Variants in SLC1A1 observed in about 807,000 individuals in gnomAD.
SLC1A1 encodes the protein excitatory amino acid transporter 3.
Under a neutral mutation model 53.3 loss-of-function variants are expected in SLC1A1, and 43 were observed. The ratio of observed to expected loss-of-function variants is 0.81; its 90% CI spans 0.63 to 1.04. The LOEUF (loss-of-function observed/expected upper bound fraction) is 1.04. Ranked by LOEUF, SLC1A1 falls within the 50% of genes least tolerant of loss-of-function variation. The pLI, the probability that SLC1A1 is intolerant of heterozygous loss-of-function variation, is 0.00. For synonymous variants in SLC1A1, 307 were observed against 243.2 expected (o/e 1.26, Z -2.44); for missense variants, 748 against 664.9 (o/e 1.12, Z -1.37).
At chr9:4,522,243 G>T (rs1489942200) in intron 1 of SLC1A1, among the ~76,000 whole-genome samples, 1 of 151,676 alleles carries the variant, frequency 6.6e-6, no homozygotes, top group Non-Finnish European at 1.5e-5. Flanking sequence ...TGTAGAGATG[G>T]GGTTTCACTG....
At position 4,578,300 on chromosome 9, in the gene SLC1A1, T is replaced by C. The variant is rs889558803; in HGVS notation, c.1193+1537T>C. Reference sequence around the variant, plus strand: ...GACTTGAATTTTTAAACTTCTGTTTTCTCATCTGTAAAATGAATAATAGTA... The same window carrying C: ...GACTTGAATTTTTAAACTTCTGTTTCCTCATCTGTAAAATGAATAATAGTA... On this transcript the variant is annotated intron_variant, in intron 10 of 11. Transcript: ENST00000262352. 3.9e-5 allele frequency among the ~76,000 whole-genome samples: 6 copies of C among 152,232 alleles called. No homozygotes were observed. The South Asian group carries it at 1.0e-3, about 26-fold the overall frequency.
chr9:4,553,008 A>G (rs1818060686), intron 2 of SLC1A1, among the ~76,000 whole-genome samples: 1 of 152,124 alleles, frequency 6.6e-6, no homozygotes, highest in Non-Finnish European at 1.5e-5. Context: ...GTTCACCAGC[A>G]TGTAAGAAGC....
At chr9:4,531,363 T>C (rs1275067993) in intron 1 of SLC1A1, among the ~76,000 whole-genome samples, 1 of 152,158 alleles carries the variant, frequency 6.6e-6, no homozygotes, top group African/African-American at 2.4e-5. Context: ...CACCCTAATA[T>C]TGCACTTTTC....
chr9:4,539,641 G>A (rs954751785), intron 1 of SLC1A1, among the ~76,000 whole-genome samples: 13 of 151,830 alleles, frequency 8.6e-5, no homozygotes, highest in African/African-American at 2.9e-4. Flanking sequence ...GCATGATCTC[G>A]GCTCACTGCA....
intron 10 of SLC1A1, among the ~76,000 whole-genome samples, chr9:4,580,843 C>G (rs1434483922): frequency 6.6e-6 from 1 of 152,102 alleles, no homozygotes; most frequent in Non-Finnish European, 1.5e-5. Context: ...TTAGCAGCAA[C>G]TGCTGTTGTT....
chr9:4,539,512 C>T (rs1313352923), intron 1 of SLC1A1, among the ~76,000 whole-genome samples: 2 of 152,006 alleles, frequency 1.3e-5, no homozygotes, highest in Non-Finnish European at 2.9e-5. Context: ...AAAGATGATC[C>T]CTAGCTGAGA....
At position 4,490,792 on chromosome 9, in the gene SLC1A1, C is replaced by A. The variant is rs756785332; in HGVS notation, c.91+22C>A. 5 of 1,593,848 alleles carry A rather than the reference C, an allele frequency of 3.1e-6. No homozygotes were observed. In the African/African-American group the frequency reaches 6.7e-5, roughly 21 times the overall value. On this transcript the variant is annotated intron_variant, in intron 1 of 11. Transcript: ENST00000262352. ...CTAGGTGAGCGGCGCGGCGGGTGGGCGATGCGCGCACCCTCACGCGCTCTC... is the reference window on the plus strand; with the variant it reads ...CTAGGTGAGCGGCGCGGCGGGTGGGAGATGCGCGCACCCTCACGCGCTCTC...
Position 4,576,066 on chromosome 9 carries a change from T to C in SLC1A1, c.941T>C (p.Phe314Ser). 2.5e-6 allele frequency: 4 copies of C among 1,613,872 alleles called. No homozygotes were observed. The highest frequency in any genetic ancestry group is 2.5e-6 in the Non-Finnish European group (3 of 1,179,692). The part of the protein sequence containing the change: ...IYFIVVRKNP[F>S]RFAMGMAQAL... The stretch of plus-strand genomic sequence containing the variant: ...TTCATAGTCGTACGAAAGAACCCTT[T>C]CCGATTTGCCATGGGAATGGCCCAG... The change falls in exon 9 of 12, where the codon TTC (phenylalanine) becomes TCC (serine). Residue 314 changes from phenylalanine to serine, a missense_variant. Physicochemically the swap from Phe to Ser is radical, Grantham distance 155. Transcript: ENST00000262352.
chr9:4,509,131 T>A (rs1820905660), intron 1 of SLC1A1, among the ~76,000 whole-genome samples: 1 of 152,054 alleles, frequency 6.6e-6, no homozygotes, highest in Non-Finnish European at 1.5e-5. Context: ...GCAAAGGGCT[T>A]TCAAGGGAGG....
chr9:4,581,961 T>C (rs756150073), intron 10 of SLC1A1, among the ~76,000 whole-genome samples: 5 of 152,206 alleles, frequency 3.3e-5, no homozygotes, highest in Non-Finnish European at 7.3e-5. Flanking sequence ...AATGTGTGGA[T>C]AGAATCAGGG....
At chr9:4,581,235 G>T (rs1294337390) in intron 10 of SLC1A1, among the ~76,000 whole-genome samples, 1 of 152,226 alleles carries the variant, frequency 6.6e-6, no homozygotes, top group African/African-American at 2.4e-5. Flanking sequence ...AACCTGTTTA[G>T]AGAGCCAAGT....
At chr9:4,519,419 G>A (rs1444208112) in intron 1 of SLC1A1, among the ~76,000 whole-genome samples, 2 of 152,198 alleles carry the variant, frequency 1.3e-5, no homozygotes, top group Admixed American at 6.5e-5. Context: ...AATGACATAG[G>A]TAAGTATGCA....
In SLC1A1 at chr9:4,549,656, T is replaced by C. The variant is rs1418337704; in HGVS notation, c.232+4949T>C. Among the ~76,000 whole-genome samples the C allele has an allele frequency of 1.3e-5, 2 of 152,184 alleles. No individual in the cohort carries two copies. The highest frequency in any genetic ancestry group is 2.9e-5 in the Non-Finnish European group (2 of 68,010). On this transcript the variant is annotated intron_variant, in intron 2 of 11. Transcript: ENST00000262352. The surrounding 1 kb of genome is among the most constrained non-coding windows in gnomAD (Gnocchi z 4.1). ...TCACACAGGCCATCCTGTCCTGACCTGGAGTGACCTCTTCCTGGGATGCTT... is the reference window on the plus strand; with the variant it reads ...TCACACAGGCCATCCTGTCCTGACCCGGAGTGACCTCTTCCTGGGATGCTT...
chr9:4,561,654 G>A, intron 3 of SLC1A1, 113 bp downstream of exon 3: 1 of 764,358 alleles, frequency 1.3e-6, no homozygotes, highest in Admixed American at 1.7e-5. Context: ...AAATCTGGGA[G>A]GCTGATGTGG....
At chr9:4,575,501 G>A (rs769798408) in intron 8 of SLC1A1, among the ~76,000 whole-genome samples, 2 of 152,188 alleles carry the variant, frequency 1.3e-5, no homozygotes, top group Non-Finnish European at 2.9e-5. Context: ...AGGGAATGGA[G>A]TGGGTGAGGA....
At chr9:4,546,458 G>T (rs1010623153) in intron 2 of SLC1A1, among the ~76,000 whole-genome samples, 1 of 151,876 alleles carries the variant, frequency 6.6e-6, no homozygotes, top group Non-Finnish European at 1.5e-5. Flanking sequence ...TGGGAACACT[G>T]GCCCAGTATT....
At chr9:4,572,517 C>T (rs1586834052) in intron 7 of SLC1A1, 129 bp downstream of exon 7, 1 of 862,354 alleles carries the variant, frequency 1.2e-6, no homozygotes, top group East Asian at 2.5e-5. Context: ...ATTGAACCAC[C>T]AGAGTATTTT....
At chr9:4,544,779 G>A in intron 2 of SLC1A1, 72 bp downstream of exon 2, 1 of 1,259,744 alleles carries the variant, frequency 7.9e-7, no homozygotes, top group Non-Finnish European at 1.2e-6. Context: ...CCTGAGACTA[G>A]GTAATTTATA....
intron 2 of SLC1A1, among the ~76,000 whole-genome samples, chr9:4,559,541 G>A (rs1208669210): frequency 7.1e-6 from 1 of 140,280 alleles, no homozygotes; most frequent in Non-Finnish European, 1.6e-5. Context: ...TAAACCCCCA[G>A]TCACTTAAAA....
Sources: gnomAD v4.1 joint callset for allele counts (sites outside exome capture counted in the v4.1 genomes callset) on GRCh38, gnomAD v4.1.1 for gene constraint, Gnocchi (gnomAD v3.1) non-coding constraint, MANE v1.5 for transcripts, NCBI Gene and HGNC (gene_info 2026-07-23, HGNC 2026-07-21) for gene names.